The following CAMK1D variants were observed in gnomAD, a reference collection of about 807,000 sequenced individuals.
CAMK1D encodes the protein calcium/calmodulin-dependent protein kinase type 1D.
In CAMK1D, 9 loss-of-function variants were observed where a neutral mutation model predicts 47.7. The observed-to-expected ratio is 0.19, with a 90% confidence interval of 0.11 to 0.33. The LOEUF is 0.33. Among genes scored for constraint, CAMK1D ranks in the 10% least tolerant of loss-of-function variants. The pLI is 1.00. For synonymous variants in CAMK1D, 184 were observed against 184.9 expected (o/e 0.99, Z 0.04); for missense variants, 291 against 488.7 (o/e 0.60, Z 3.81).
chr10:12,543,571 A>C (rs567183834), intron 1 of CAMK1D, among the ~76,000 whole-genome samples: 2 of 152,158 alleles, frequency 1.3e-5, no homozygotes, highest in Non-Finnish European at 2.9e-5. Flanking sequence ...GAATGACTCT[A>C]TGATAATTTT....
intron 1 of CAMK1D, among the ~76,000 whole-genome samples, chr10:12,515,022 T>TA (rs1835149529): frequency 6.6e-6 from 1 of 151,450 alleles, no homozygotes; most frequent in Admixed American, 6.6e-5. Context: ...GGCTAATTTT[T>TA]TTTTTTTATT....
chr10:12,778,069 A>G (rs1050290978), intron 5 of CAMK1D, among the ~76,000 whole-genome samples: 1 of 152,216 alleles, frequency 6.6e-6, no homozygotes, highest in African/African-American at 2.4e-5. Context: ...AAAGATGAGG[A>G]AAAGCTTCCA....
chr10:12,664,450 T>A (rs541082018), intron 2 of CAMK1D, among the ~76,000 whole-genome samples: 1 of 152,222 alleles, frequency 6.6e-6, no homozygotes, highest in African/African-American at 2.4e-5. Context: ...TTTAATTCTC[T>A]ATCCCGTGTA....
At chr10:12,731,401 GAA>G (rs1442921107) in intron 3 of CAMK1D, among the ~76,000 whole-genome samples, 1 of 152,232 alleles carries the variant, frequency 6.6e-6, no homozygotes, top group African/African-American at 2.4e-5. Flanking sequence ...AGAGATTGGA[GAA>G]GAGGAGAAGT....
chr10:12,639,590 G>T (rs1839612403), intron 2 of CAMK1D, among the ~76,000 whole-genome samples: 1 of 152,048 alleles, frequency 6.6e-6, no homozygotes, highest in Non-Finnish European at 1.5e-5. Context: ...ACCCAAGGAA[G>T]CCTCAGGAGC....
intron 2 of CAMK1D, among the ~76,000 whole-genome samples, chr10:12,649,279 C>T (rs764463875): frequency 5.3e-5 from 8 of 152,146 alleles, no homozygotes; most frequent in Admixed American, 2.0e-4. Flanking sequence ...TGTCAGGTTC[C>T]AAGTGTGAGT....
chr10:12,649,088 G>C (rs932096970), intron 2 of CAMK1D, among the ~76,000 whole-genome samples: 1 of 152,136 alleles, frequency 6.6e-6, no homozygotes, highest in South Asian at 2.1e-4. Context: ...GGCTGGTCTT[G>C]ACCTCCTGGC....
intron 3 of CAMK1D, among the ~76,000 whole-genome samples, chr10:12,724,903 T>C (rs1332309439): frequency 6.8e-6 from 1 of 147,790 alleles, no homozygotes; most frequent in Non-Finnish European, 1.5e-5. Flanking sequence ...AAAAAAAAAG[T>C]GATCTCTCCG....
At chr10:12,574,474 T>TA (rs1380412659) in intron 2 of CAMK1D, among the ~76,000 whole-genome samples, 1 of 123,572 alleles carries the variant, frequency 8.1e-6, no homozygotes, top group Non-Finnish European at 1.7e-5. Flanking sequence ...GCTAATTTTT[T>TA]TTTTTTTTTT....
intron 2 of CAMK1D, among the ~76,000 whole-genome samples, chr10:12,588,094 G>T (rs1446556578): frequency 6.6e-6 from 1 of 152,090 alleles, no homozygotes; most frequent in Non-Finnish European, 1.5e-5. Context: ...TATTTCCAAG[G>T]GAGCGGAGAA....
intron 2 of CAMK1D, among the ~76,000 whole-genome samples, chr10:12,560,404 T>C (rs1206559936): frequency 6.6e-6 from 1 of 151,632 alleles, no homozygotes; most frequent in East Asian, 1.9e-4. Flanking sequence ...AATACAAAAA[T>C]TAGTCGGGCA....
At chr10:12,616,566 G>C (rs1201117851) in intron 2 of CAMK1D, among the ~76,000 whole-genome samples, 2 of 152,188 alleles carry the variant, frequency 1.3e-5, no homozygotes, top group Non-Finnish European at 2.9e-5. Context: ...CTCCCAGGCT[G>C]GGGTGCAGTG....
intron 2 of CAMK1D, among the ~76,000 whole-genome samples, chr10:12,645,863 A>T (rs1044715102): frequency 1.3e-5 from 2 of 152,254 alleles, no homozygotes; most frequent in Non-Finnish European, 2.9e-5. Context: ...AATGTTCCCA[A>T]GAAAATGTAA....
intron 1 of CAMK1D, among the ~76,000 whole-genome samples, chr10:12,373,739 A>G (rs1438122841): frequency 6.6e-6 from 1 of 151,914 alleles, no homozygotes; most frequent in Non-Finnish European, 1.5e-5. Context: ...GCCGCTCTGC[A>G]TGGTGGGGAC....
In CAMK1D at chr10:12,418,835, C is replaced by T. The variant is rs1008421689; in HGVS notation, c.92+68925C>T. Among the ~76,000 whole-genome samples, 4 of 152,150 alleles carry T rather than the reference C, an allele frequency of 2.6e-5. No individual in the cohort carries two copies. The South Asian group carries it at 6.2e-4, about 24-fold the overall frequency. ...TGTGTCTGGGAGTTGCAGACCCCCA[C>T]GTGGTGGGAGATGGGGAGTGACCGT... On this transcript the variant is annotated intron_variant, in intron 1 of 10. Coordinates refer to ENST00000619168, the MANE Select transcript of CAMK1D (RefSeq NM_153498.4).
chr10:12,540,907 G>T (rs1229864859), intron 1 of CAMK1D, among the ~76,000 whole-genome samples: 1 of 147,342 alleles, frequency 6.8e-6, no homozygotes, highest in Non-Finnish European at 1.5e-5. Flanking sequence ...CAGTTAATGA[G>T]AACCTGAGTT....
At chr10:12,363,133 G>A (rs1427754654) in intron 1 of CAMK1D, among the ~76,000 whole-genome samples, 1 of 149,018 alleles carries the variant, frequency 6.7e-6, no homozygotes, top group Non-Finnish European at 1.5e-5. Context: ...TGAAGACAGG[G>A]TTTCACCATA....
At chr10:12,635,295 A>ACTT (rs1298186133) in intron 2 of CAMK1D, among the ~76,000 whole-genome samples, 4 of 152,120 alleles carry the variant, frequency 2.6e-5, no homozygotes, top group Non-Finnish European at 5.9e-5. Context: ...ATTTCCTGGG[A>ACTT]CTTCCCATCC....
At chr10:12,426,388 A>G (rs1478997962) in intron 1 of CAMK1D, among the ~76,000 whole-genome samples, 1 of 152,136 alleles carries the variant, frequency 6.6e-6, no homozygotes, top group African/African-American at 2.4e-5. Flanking sequence ...CTGGGATTAC[A>G]GGCATGCGCC....
Sources: allele counts gnomAD v4.1 joint callset (sites outside exome capture counted in the v4.1 genomes callset), GRCh38; gene constraint gnomAD v4.1.1; transcripts MANE v1.5; gene names NCBI Gene and HGNC (gene_info 2026-07-23, HGNC 2026-07-21).